PCDH11X: variants seen among roughly 807,000 people sequenced by gnomAD.
The protein encoded by PCDH11X is protocadherin-11 X-linked.
In PCDH11X, 18 loss-of-function variants were observed where a neutral mutation model predicts 53.3. The observed-to-expected ratio is 0.34, with a 90% CI of 0.23 to 0.50. PCDH11X has a LOEUF of 0.50. PCDH11X is among the 20% of genes least tolerant of loss of function. The pLI is 0.98. For missense variants in PCDH11X, 570 were observed against 1,032.4 expected (o/e 0.55, Z 6.14); for synonymous variants, 279 against 393.3 (o/e 0.71, Z 3.44).
At chrX:92,538,442 C>G (rs1019644529) in intron 10 of PCDH11X, among the ~76,000 whole-genome samples, 5 of 110,850 alleles carry the variant, frequency 4.5e-5, no homozygotes, top group Non-Finnish European at 7.6e-5. Context: ...AGTCTCCTCT[C>G]TCATTCTTTT....
intron 5 of PCDH11X, among the ~76,000 whole-genome samples, chrX:91,850,270 A>G (rs746540031): frequency 1.8e-5 from 2 of 110,152 alleles, no homozygotes; most frequent in Admixed American, 9.7e-5. Context: ...CACAAACCTC[A>G]GTGTAATAGG....
chrX:92,278,194 A>G (rs1263403096), intron 8 of PCDH11X, among the ~76,000 whole-genome samples: 1 of 111,366 alleles, frequency 9.0e-6, no homozygotes, highest in Non-Finnish European at 1.9e-5. Flanking sequence ...GAGGTTGGAG[A>G]AGAGAGTAAA....
intron 6 of PCDH11X, among the ~76,000 whole-genome samples, chrX:92,146,888 A>G (rs1427237104): frequency 6.4e-5 from 7 of 110,041 alleles, no homozygotes. Context: ...GATCCCAGCT[A>G]CTCGGGAGGC....
intron 1 of PCDH11X, among the ~76,000 whole-genome samples, chrX:91,807,176 C>CAAA (rs1218341876): frequency 0.11 from 3,636 of 31,931 alleles, 198 homozygotes; most frequent in Non-Finnish European, 0.14. Context: ...CTCATCTCTA[C>CAAA]AAAAAAAAAA....
intron 6 of PCDH11X, among the ~76,000 whole-genome samples, chrX:92,119,588 T>C (rs905581882): frequency 2.7e-5 from 3 of 110,911 alleles, no homozygotes; most frequent in African/African-American, 9.8e-5. Context: ...ATTTTGGGAG[T>C]CCCTAAGCAA....
chrX:92,085,431 C>T (rs1451210025), intron 6 of PCDH11X, among the ~76,000 whole-genome samples: 5 of 103,214 alleles, frequency 4.8e-5, no homozygotes, highest in Non-Finnish European at 9.8e-5. Flanking sequence ...CTGTTTGACT[C>T]TTCTTATGTT....
At position 92,394,186 on chromosome X, in the gene PCDH11X, G is replaced by A. The variant is rs2754908; in HGVS notation, c.3343+6253G>A. Among the ~76,000 whole-genome samples, 879 of 111,483 alleles carry A rather than the reference G, an allele frequency of 7.9e-3. 17 individuals are homozygous for A. Among genetic ancestry groups the A allele is most frequent in the African/African-American group, 0.028 (851 of 30,751 alleles). On this transcript the variant is annotated intron_variant, in intron 9 of 10. Coordinates refer to ENST00000682573, the MANE Select transcript of PCDH11X (RefSeq NM_032968.5). ...GAGGTCATGAATTAAAATGAGAAGT[G>A]TATCTTTAAAGTTGGAGACTTGAAG...
chrX:92,442,217 A>G (rs2072531349), intron 9 of PCDH11X, among the ~76,000 whole-genome samples: 1 of 110,030 alleles, frequency 9.1e-6, no homozygotes, highest in Non-Finnish European at 1.9e-5. Context: ...ATGGATGAGA[A>G]TTTGGACTGT....
At chrX:92,279,800 T>C (rs1454111586) in intron 8 of PCDH11X, among the ~76,000 whole-genome samples, 3 of 112,127 alleles carry the variant, frequency 2.7e-5, no homozygotes, top group Non-Finnish European at 5.6e-5. Context: ...AATATTGACA[T>C]TTCAACTTAA....
intron 6 of PCDH11X, among the ~76,000 whole-genome samples, chrX:92,085,548 A>G (rs2063936494): frequency 9.5e-6 from 1 of 105,737 alleles, no homozygotes; most frequent in Non-Finnish European, 1.9e-5. Flanking sequence ...GAATTCTGCC[A>G]TTACTGAACA....
intron 4 of PCDH11X, among the ~76,000 whole-genome samples, chrX:91,830,408 A>C (rs1937066596): frequency 9.0e-6 from 1 of 111,705 alleles, no homozygotes; most frequent in African/African-American, 3.3e-5. Context: ...GTGCCTTATT[A>C]AATTTTTTAT....
At chrX:92,575,151 G>A (rs1216535239) in intron 10 of PCDH11X, among the ~76,000 whole-genome samples, 1 of 109,686 alleles carries the variant, frequency 9.1e-6, no homozygotes, top group Non-Finnish European at 1.9e-5. Flanking sequence ...ACTTAAATTT[G>A]GGCATATGCA....
intron 10 of PCDH11X, among the ~76,000 whole-genome samples, chrX:92,484,212 TA>T (rs1472902391): frequency 1.6e-4 from 13 of 80,121 alleles, no homozygotes; most frequent in African/African-American, 4.7e-4. Context: ...TATATGTATA[TA>T]TATGTATATA....
intron 8 of PCDH11X, among the ~76,000 whole-genome samples, chrX:92,379,780 C>T (rs748322767): frequency 9.0e-6 from 1 of 110,872 alleles, no homozygotes; most frequent in East Asian, 2.9e-4. Flanking sequence ...ATTGGACAAA[C>T]GACAGATGAC....
At chrX:91,903,692 T>TGTGC (rs1231328945) in intron 6 of PCDH11X, among the ~76,000 whole-genome samples, 1 of 105,875 alleles carries the variant, frequency 9.4e-6, no homozygotes, top group East Asian at 2.9e-4. Context: ...TGTGTGTGCG[T>TGTGC]GTATAAAATA....
chrX:92,147,888 TTCTC>T (rs2065315407), intron 6 of PCDH11X, among the ~76,000 whole-genome samples: 1 of 97,979 alleles, frequency 1.0e-5, no homozygotes. Flanking sequence ...TTCTTTTTCT[TTCTC>T]TTTCCTTTTC....
intron 8 of PCDH11X, among the ~76,000 whole-genome samples, chrX:92,276,122 G>C (rs1238770700): frequency 9.1e-6 from 1 of 109,518 alleles, no homozygotes; most frequent in East Asian, 2.9e-4. Context: ...GAGTTGGGGA[G>C]TTTTAAGAAG....
intron 6 of PCDH11X, among the ~76,000 whole-genome samples, chrX:91,926,772 G>T (rs1359924330): frequency 9.0e-6 from 1 of 110,928 alleles, no homozygotes; most frequent in Non-Finnish European, 1.9e-5. Context: ...TCAGATCAGG[G>T]TCATTAGCAT....
chrX:92,350,893 T>G (rs989607727), intron 8 of PCDH11X, among the ~76,000 whole-genome samples: 4 of 111,803 alleles, frequency 3.6e-5, no homozygotes, highest in Non-Finnish European at 7.5e-5. Context: ...CACATTTATT[T>G]CACCCACGTA....
Sources: allele counts gnomAD v4.1 joint callset (sites outside exome capture counted in the v4.1 genomes callset), GRCh38; gene constraint gnomAD v4.1.1; transcripts MANE v1.5; gene names NCBI Gene and HGNC (gene_info 2026-07-23, HGNC 2026-07-21).